CDK5RAP2: variants seen among roughly 807,000 people sequenced by gnomAD.
The protein encoded by CDK5RAP2 is CDK5 regulatory subunit associated protein 2.
Under a neutral mutation model 232.9 loss-of-function variants are expected in CDK5RAP2, and 147 were observed. The observed-to-expected ratio is 0.63, with a 90% CI of 0.55 to 0.72. CDK5RAP2 has a LOEUF of 0.72. Among genes scored for constraint, CDK5RAP2 ranks in the 30% least tolerant of loss-of-function variants. The pLI is 0.00. For synonymous variants in CDK5RAP2, 833 were observed against 833.7 expected (o/e 1.00, Z 0.01); for missense variants, 2,195 against 2,231.5 (o/e 0.98, Z 0.33).
intron 11 of CDK5RAP2, 93 bp from the exon 12 acceptor site, chr9:120,518,738 A>G: frequency 7.5e-6 from 7 of 935,352 alleles, no homozygotes; most frequent in East Asian, 2.4e-5. Context: ...GTGGGGGAAA[A>G]AAAGAAAAGA....
chr9:120,432,229 A>G (rs1226401481), intron 25 of CDK5RAP2, among the ~76,000 whole-genome samples: 1 of 152,222 alleles, frequency 6.6e-6, no homozygotes, highest in Admixed American at 6.5e-5. Context: ...AGCCACTAAA[A>G]CTTACAATGT....
intron 11 of CDK5RAP2, among the ~76,000 whole-genome samples, chr9:120,519,688 C>T (rs1320677966): frequency 6.6e-6 from 1 of 152,226 alleles, no homozygotes; most frequent in Non-Finnish European, 1.5e-5. Context: ...TATCTCAATA[C>T]TGTTATGTAA....
intron 19 of CDK5RAP2, 49 bp from the exon 20 acceptor site, chr9:120,458,671 T>C (rs2036919754): frequency 6.4e-7 from 1 of 1,556,182 alleles, no homozygotes; most frequent in East Asian, 2.2e-5. Flanking sequence ...AGGAAGGGAA[T>C]GGGGTGTGTG....
chr9:120,408,985 C>T (rs1000073942), intron 30 of CDK5RAP2, 142 bp downstream of exon 30: 12 of 760,062 alleles, frequency 1.6e-5, no homozygotes, highest in African/African-American at 5.1e-5. Flanking sequence ...ATGTTGTAGG[C>T]GCACCAGACG....
chr9:120,460,487 C>T (rs2037021866), intron 19 of CDK5RAP2, 85 bp downstream of exon 19: 2 of 1,258,268 alleles, frequency 1.6e-6, no homozygotes, highest in Non-Finnish European at 2.3e-6. Flanking sequence ...GAACAGAAAA[C>T]CCACTGGACT....
chr9:120,453,178 GT>G (rs983007925), intron 21 of CDK5RAP2, among the ~76,000 whole-genome samples: 2 of 152,104 alleles, frequency 1.3e-5, no homozygotes, highest in Non-Finnish European at 2.9e-5. Flanking sequence ...CCTCACGTGT[GT>G]TTTTTCTAAG....
At chr9:120,537,311 T>C (rs2041435863) in intron 6 of CDK5RAP2, among the ~76,000 whole-genome samples, 1 of 151,826 alleles carries the variant, frequency 6.6e-6, no homozygotes, top group South Asian at 2.1e-4. Context: ...CTACCATGAG[T>C]CTCTATCAAA....
intron 12 of CDK5RAP2, among the ~76,000 whole-genome samples, chr9:120,492,067 T>C (rs969925216): frequency 6.6e-6 from 1 of 152,094 alleles, no homozygotes; most frequent in African/African-American, 2.4e-5. Flanking sequence ...ATAAAAAAAG[T>C]TCATGTTATT....
intron 13 of CDK5RAP2, among the ~76,000 whole-genome samples, chr9:120,488,995 C>T (rs1419227748): frequency 6.6e-6 from 1 of 152,198 alleles, no homozygotes; most frequent in African/African-American, 2.4e-5. Flanking sequence ...TTCCTTTATA[C>T]ATATGGAATC....
intron 5 of CDK5RAP2, 65 bp downstream of exon 5, chr9:120,545,649 G>T: frequency 8.6e-7 from 1 of 1,165,808 alleles, no homozygotes; most frequent in Non-Finnish European, 1.3e-6. Context: ...AAAGTGTACG[G>T]CTCTATTTCA....
chr9:120,461,411 C>T (rs1414558990), intron 18 of CDK5RAP2, among the ~76,000 whole-genome samples: 2 of 152,208 alleles, frequency 1.3e-5, no homozygotes, highest in Non-Finnish European at 2.9e-5. Context: ...GTTCTCAGCT[C>T]TCCGCAAAAG....
chr9:120,428,092 G>C (rs2035035989), intron 25 of CDK5RAP2, among the ~76,000 whole-genome samples: 1 of 152,198 alleles, frequency 6.6e-6, no homozygotes, highest in African/African-American at 2.4e-5. Flanking sequence ...GAATCTCTGG[G>C]ACACATTCAA....
rs998397469 is a variant in CDK5RAP2 at position 120,547,603 on chromosome 9, CA to C, written c.307-1814del. 8.8e-4 allele frequency among the ~76,000 whole-genome samples: 126 copies of C among 143,298 alleles called. 2 individuals are homozygous for C. The South Asian group carries it at 0.013, about 15-fold the overall frequency. The allele number at this position is 143,298 out of a possible 152,430, so 94.0% of individuals were successfully genotyped here. ...TAGGCGACAGAGCGAGACTCCATCT[CA>C]AAAAAAAAAAATCATTTCCAGTAAG... On this transcript the variant is annotated intron_variant, in intron 4 of 37. Transcript: ENST00000349780.
At chr9:120,463,312 A>G (rs1401018694) in intron 18 of CDK5RAP2, among the ~76,000 whole-genome samples, 2 of 152,296 alleles carry the variant, frequency 1.3e-5, no homozygotes, top group East Asian at 1.9e-4. Context: ...CGGAGCTTGC[A>G]GTGAGCTGAG....
chr9:120,574,876 A>G (rs941563045), intron 1 of CDK5RAP2, among the ~76,000 whole-genome samples: 1 of 151,330 alleles, frequency 6.6e-6, no homozygotes, highest in African/African-American at 2.4e-5. Flanking sequence ...AATAGGCTGG[A>G]AACTCCAAGC....
intron 12 of CDK5RAP2, among the ~76,000 whole-genome samples, chr9:120,513,816 TTCTG>T (rs2040203254): frequency 1.3e-5 from 2 of 152,342 alleles, no homozygotes; most frequent in East Asian, 1.9e-4. Context: ...GTCTAGGTTT[TTCTG>T]TCTGTTTCAA....
chr9:120,452,884 T>C (rs1212838591), intron 21 of CDK5RAP2, among the ~76,000 whole-genome samples: 1 of 152,132 alleles, frequency 6.6e-6, no homozygotes, highest in Non-Finnish European at 1.5e-5. Context: ...AGATCTTTGA[T>C]GAGTGTTGTC....
intron 4 of CDK5RAP2, among the ~76,000 whole-genome samples, chr9:120,546,407 G>C (rs2041842571): frequency 6.6e-6 from 1 of 152,164 alleles, no homozygotes; most frequent in Non-Finnish European, 1.5e-5. Flanking sequence ...AACAAAGGGA[G>C]TTGCACACAG....
chr9:120,509,976 C>T (rs1275225925), intron 12 of CDK5RAP2, among the ~76,000 whole-genome samples: 2 of 151,888 alleles, frequency 1.3e-5, no homozygotes, highest in African/African-American at 2.4e-5. Flanking sequence ...CATATATATA[C>T]ATTTTTTTTT....
Sources: gnomAD v4.1 joint callset for allele counts (sites outside exome capture counted in the v4.1 genomes callset) on GRCh38, gnomAD v4.1.1 for gene constraint, MANE v1.5 for transcripts, NCBI Gene and HGNC (gene_info 2026-07-23, HGNC 2026-07-21) for gene names.